The following OR56A3 variants were observed in gnomAD, a reference collection of about 807,000 sequenced individuals.
OR56A3 encodes the protein olfactory receptor 56A3.
OR56A3 carries 23 observed loss-of-function variants against 17.5 expected under a neutral mutation model. The ratio of observed to expected loss-of-function variants is 1.32; its 90% confidence interval spans 0.95 to 1.87. The LOEUF is 1.87. Among genes scored for constraint, OR56A3 ranks in the 40% most tolerant of loss-of-function variants. The pLI, the probability that OR56A3 is intolerant of heterozygous loss-of-function variation, is 0.00. For synonymous variants in OR56A3, 175 were observed against 150.6 expected (o/e 1.16, Z -1.19); for missense variants, 366 against 380.1 (o/e 0.96, Z 0.31).
the OR56A3 span, chr11:5,986,985 C>T: frequency 6.5e-7 from 1 of 1,541,306 alleles, no homozygotes; most frequent in East Asian, 2.2e-5. Context: ...AACCATCATC[C>T]TGAGAAGAAT....
chr11:6,013,907 G>T, the OR56A3 span, among the ~76,000 whole-genome samples: 1 of 152,114 alleles, frequency 6.6e-6, no homozygotes, highest in African/African-American at 2.4e-5. Context: ...GGAAGCAGAC[G>T]GATGCCCTGC....
At chr11:5,999,113 G>A in the OR56A3 span, among the ~76,000 whole-genome samples, 1 of 152,140 alleles carries the variant, frequency 6.6e-6, no homozygotes, top group African/African-American at 2.4e-5. Context: ...AAGGTCTTAT[G>A]GGGCACCCAA....
At chr11:5,981,629 G>C in the OR56A3 span, among the ~76,000 whole-genome samples, 1 of 152,222 alleles carries the variant, frequency 6.6e-6, no homozygotes, top group Admixed American at 6.5e-5. Context: ...TGTGATCTTT[G>C]TTGCCATCCA....
chr11:5,988,209 G>A, the OR56A3 span, among the ~76,000 whole-genome samples: 1 of 152,108 alleles, frequency 6.6e-6, no homozygotes, highest in African/African-American at 2.4e-5. Flanking sequence ...CATTGCCTAT[G>A]TCAGATGAAT....
At chr11:5,990,805 G>A in the OR56A3 span, among the ~76,000 whole-genome samples, 1 of 152,210 alleles carries the variant, frequency 6.6e-6, no homozygotes, top group African/African-American at 2.4e-5. Context: ...TCTCTGGGCT[G>A]TCTTTGATGA....
chr11:5,995,027 G>T, the OR56A3 span: 1 of 644,202 alleles, frequency 1.6e-6, no homozygotes, highest in South Asian at 1.6e-5. Flanking sequence ...ATGGAGATCC[G>T]GGAACCTGAG....
At chr11:5,973,712 T>A in the OR56A3 span, among the ~76,000 whole-genome samples, 2 of 152,194 alleles carry the variant, frequency 1.3e-5, no homozygotes, top group East Asian at 3.8e-4. Flanking sequence ...ACAAATCTCT[T>A]GTATTCTTTG....
At chr11:6,016,397 C>T in the OR56A3 span, among the ~76,000 whole-genome samples, 291 of 152,240 alleles carry the variant, frequency 1.9e-3, 2 homozygotes, top group Admixed American at 3.7e-3. Context: ...CTAATACTCA[C>T]TGATTACAAC....
downstream of OR56A3, among the ~76,000 whole-genome samples, chr11:5,955,225 A>T (rs1159076268): frequency 1.3e-5 from 2 of 152,222 alleles, no homozygotes; most frequent in African/African-American, 2.4e-5. Context: ...ATAAAAGCTA[A>T]TCTACATAAA....
chr11:5,945,404 C>G lies in OR56A3; in HGVS notation c.-37+322C>G, dbSNP rs148415346. ...CCTGGCCAACATGGTGAAACCCCAT[C>G]TCTACTACAACCACAAAAACAAACA... is the stretch of plus-strand genomic sequence containing the variant. On this transcript the variant is annotated intron_variant, in intron 2 of 2. Transcript: ENST00000641160. Among the ~76,000 whole-genome samples the G allele has an allele frequency of 1.8e-4, 28 of 151,998 alleles. No individual in the cohort carries two copies. The East Asian group carries it at 3.5e-3, about 19-fold the overall frequency.
the OR56A3 span, among the ~76,000 whole-genome samples, chr11:5,962,531 CTTT>C: frequency 7.8e-6 from 1 of 128,402 alleles, no homozygotes; most frequent in African/African-American, 2.9e-5. Context: ...CTGGGCTTTT[CTTT>C]TTTTTTTTTT....
the OR56A3 span, chr11:5,993,939 T>C: frequency 4.5e-6 from 2 of 444,962 alleles, no homozygotes; most frequent in African/African-American, 2.0e-5. Context: ...CTGTGGCGGG[T>C]GGTAGTCTTT....
At chr11:5,964,663 A>G in the OR56A3 span, among the ~76,000 whole-genome samples, 1 of 152,202 alleles carries the variant, frequency 6.6e-6, no homozygotes. Context: ...TACTATAGTC[A>G]GCCAGTGGTG....
intron 2 of OR56A3, among the ~76,000 whole-genome samples, chr11:5,945,577 TATAAA>T (rs1564799367): frequency 2.1e-4 from 7 of 33,136 alleles, no homozygotes; most frequent in East Asian, 9.7e-4. Context: ...CTAGACCCCA[TATAAA>T]AAAAAAAAAA....
the OR56A3 span, chr11:6,021,101 G>C: frequency 6.6e-6 from 1 of 151,976 alleles, no homozygotes; most frequent in Non-Finnish European, 1.5e-5. Context: ...AGACAATATA[G>C]AAAAGAAAAG....
At chr11:5,968,456 A>G in the OR56A3 span, 1,131 of 1,569,436 alleles carry the variant, frequency 7.2e-4, 10 homozygotes, top group African/African-American at 0.014. Context: ...GGAAGAATTC[A>G]AAGACTGGGG....
the OR56A3 span, among the ~76,000 whole-genome samples, chr11:5,963,014 T>G: frequency 6.6e-6 from 1 of 152,358 alleles, no homozygotes; most frequent in African/African-American, 2.4e-5. Flanking sequence ...CTCATGATAC[T>G]TTGTATTTCT....
intron 2 of OR56A3, among the ~76,000 whole-genome samples, chr11:5,946,875 A>G (rs1847873057): frequency 6.6e-6 from 1 of 152,238 alleles, no homozygotes; most frequent in Non-Finnish European, 1.5e-5. Context: ...CATTTATCTG[A>G]GTCCCTTCCT....
chr11:5,948,377 G>T lies in OR56A3; in HGVS notation c.*83G>T, dbSNP rs1847887976. On this transcript the variant is annotated 3_prime_UTR_variant, in exon 3 of 3. Coordinates refer to ENST00000641160, the MANE Select transcript of OR56A3 (RefSeq NM_001003443.3). The stretch of plus-strand genomic sequence containing the variant: ...AGTGAGTGGGCTGAAATTCATATCT[G>T]TGACTTATAACCTCAAACTGGGTAC... The T allele has an allele frequency of 2.2e-6, 2 of 927,738 alleles. No homozygotes were observed. The highest frequency in any genetic ancestry group is 3.3e-6 in the Non-Finnish European group (2 of 606,578). The allele number at this position is 927,738 out of a possible 1,614,324, so 57.5% of individuals were successfully genotyped here.
Sources: gnomAD v4.1 joint callset for allele counts (sites outside exome capture counted in the v4.1 genomes callset) on GRCh38, gnomAD v4.1.1 for gene constraint, MANE v1.5 for transcripts, NCBI Gene and HGNC (gene_info 2026-07-23, HGNC 2026-07-21) for gene names.